Variants in ADCYAP1R1 observed in about 807,000 individuals in gnomAD.
ADCYAP1R1 encodes ADCYAP receptor type I.
A neutral mutation model predicts 67.6 loss-of-function variants in ADCYAP1R1; 44 were observed. That is an observed-to-expected ratio of 0.65 (90% CI 0.51 to 0.84). The LOEUF is 0.84. Among genes scored for constraint, ADCYAP1R1 ranks in the 40% least tolerant of loss-of-function variants. The pLI is 0.00. For missense variants in ADCYAP1R1, 477 were observed against 587.9 expected, an observed-to-expected ratio of 0.81 and a Z score of 1.95; for synonymous variants, 222 against 219.6, an observed-to-expected ratio of 1.01 and a Z score of -0.10.
At chr7:31,105,061 C>T (rs1193634390) in intron 15 of ADCYAP1R1, 152 bp downstream of exon 15, 1 of 817,614 alleles carries the variant, frequency 1.2e-6, no homozygotes, top group East Asian at 2.4e-5. Context: ...TCATACAGCT[C>T]CTGGCATTGT....
chr7:31,098,405 A>G (rs1035850619), intron 13 of ADCYAP1R1, among the ~76,000 whole-genome samples: 4 of 152,134 alleles, frequency 2.6e-5, no homozygotes, highest in African/African-American at 4.8e-5. Flanking sequence ...ATACCTCCTA[A>G]TGGCGCTTCT....
At chr7:31,069,926 C>T (rs1414929936) in intron 3 of ADCYAP1R1, among the ~76,000 whole-genome samples, 1 of 152,170 alleles carries the variant, frequency 6.6e-6, no homozygotes, top group African/African-American at 2.4e-5. Flanking sequence ...GAGACATAGT[C>T]ATTTTGTCCC....
At chr7:31,054,836 C>G (rs771823819) in intron 1 of ADCYAP1R1, among the ~76,000 whole-genome samples, 6 of 152,230 alleles carry the variant, frequency 3.9e-5, no homozygotes, top group Non-Finnish European at 7.3e-5. Flanking sequence ...AATGAGTTTC[C>G]TGTCCTGGGC....
chr7:31,094,049 G>C (rs1354657244), intron 13 of ADCYAP1R1, among the ~76,000 whole-genome samples: 3 of 152,088 alleles, frequency 2.0e-5, no homozygotes, highest in African/African-American at 7.2e-5. Flanking sequence ...AGGGGTGGGG[G>C]ACTAGCACAG....
intron 8 of ADCYAP1R1, 121 bp from the exon 9 acceptor site, chr7:31,085,189 G>A: frequency 3.0e-6 from 4 of 1,350,350 alleles, no homozygotes; most frequent in Non-Finnish European, 4.0e-6. Context: ...GAAGGAGGGT[G>A]GCCTGGGTGG....
At chr7:31,066,916 A>G (rs926179922) in intron 3 of ADCYAP1R1, among the ~76,000 whole-genome samples, 1 of 151,428 alleles carries the variant, frequency 6.6e-6, no homozygotes, top group African/African-American at 2.5e-5. Context: ...TTTGGAACTC[A>G]GTATTGGAGC....
intron 13 of ADCYAP1R1, among the ~76,000 whole-genome samples, chr7:31,096,412 C>A (rs1181407718): frequency 6.6e-6 from 1 of 152,216 alleles, no homozygotes; most frequent in Non-Finnish European, 1.5e-5. Context: ...AAGCCTCCAT[C>A]TTCCACTTCC....
At chr7:31,096,773 C>T (rs755744663) in intron 13 of ADCYAP1R1, among the ~76,000 whole-genome samples, 23 of 152,006 alleles carry the variant, frequency 1.5e-4, no homozygotes, top group South Asian at 1.0e-3. Flanking sequence ...GGCAGGGCTC[C>T]GGGGGTGCAC....
At chr7:31,054,280 C>G (rs1212683929) in intron 1 of ADCYAP1R1, among the ~76,000 whole-genome samples, 1 of 152,028 alleles carries the variant, frequency 6.6e-6, no homozygotes, top group Non-Finnish European at 1.5e-5. Flanking sequence ...GGGACAAGAC[C>G]CCCAAAAGTC....
chr7:31,078,155 G>T (rs1363904670), intron 4 of ADCYAP1R1, 57 bp downstream of exon 4: 5 of 1,452,668 alleles, frequency 3.4e-6, no homozygotes, highest in Non-Finnish European at 4.7e-6. Flanking sequence ...CCCAAATTCG[G>T]CCCCAGGCAA....
At chr7:31,097,914 A>G (rs1459368900) in intron 13 of ADCYAP1R1, among the ~76,000 whole-genome samples, 1 of 152,044 alleles carries the variant, frequency 6.6e-6, no homozygotes, top group East Asian at 1.9e-4. Context: ...ATTATTTTTA[A>G]TTTTTAGACA....
At chr7:31,078,134 C>A in intron 4 of ADCYAP1R1, 36 bp downstream of exon 4, 1 of 1,531,416 alleles carries the variant, frequency 6.5e-7, no homozygotes, top group Non-Finnish European at 8.8e-7. Flanking sequence ...CCACGCTGGC[C>A]TAGCCTGCTC....
Position 31,108,746 on chromosome 7 carries a change from A to ATGTGTGTGTGTGTG in ADCYAP1R1, c.*2084_*2097dup, listed in dbSNP as rs3076597. On this transcript the variant is annotated 3_prime_UTR_variant, in exon 16 of 16. Transcript: ENST00000304166. ...CCTCATATCAGGTTTTGATGAATAT[A>ATGTGTGTGTGTGTG]TGTGTGTGTGTGTGTGTGTGTGTGT... 6.8e-6 allele frequency: 1 copy of ATGTGTGTGTGTGTG among 147,966 alleles called. No individual in the cohort carries two copies. Among genetic ancestry groups the ATGTGTGTGTGTGTG allele is most frequent in the Non-Finnish European group, 1.5e-5 (1 of 66,678 alleles). The allele number at this position is 147,966 out of a possible 1,614,324, so 9.2% of individuals were successfully genotyped here.
chr7:31,103,494 G>A (rs1796515714), intron 14 of ADCYAP1R1, 128 bp downstream of exon 14: 6 of 1,322,560 alleles, frequency 4.5e-6, no homozygotes, highest in Non-Finnish European at 6.2e-6. Flanking sequence ...TGATGAGGGA[G>A]CCCTGTCTGC....
At chr7:31,106,417 A>C in intron 15 of ADCYAP1R1, 79 bp from the exon 16 acceptor site, 1 of 1,482,744 alleles carries the variant, frequency 6.7e-7, no homozygotes, top group Admixed American at 2.3e-5. Context: ...CAGCCTGGGA[A>C]GGGCCCCAGG....
Position 31,109,153 on chromosome 7 carries a change from C to T in ADCYAP1R1, c.*2469C>T, listed in dbSNP as rs1796758520. The T allele has an allele frequency of 6.6e-6, 1 of 152,234 alleles. No individual in the cohort carries two copies. The highest frequency in any genetic ancestry group is 2.1e-4 in the South Asian group (1 of 4,826). The allele number at this position is 152,234 out of a possible 1,614,324, so 9.4% of individuals were successfully genotyped here. On this transcript the variant is annotated 3_prime_UTR_variant, in exon 16 of 16. Coordinates refer to ENST00000304166, the MANE Select transcript of ADCYAP1R1 (RefSeq NM_001118.5). Reference sequence around the variant, plus strand: ...ACTGTGCTGCTTCCTGAGCCTGGCCCTGCATCCTCATAGAGGTGCCGGGTT... The same window carrying T: ...ACTGTGCTGCTTCCTGAGCCTGGCCTTGCATCCTCATAGAGGTGCCGGGTT...
intron 8 of ADCYAP1R1, 77 bp from the exon 9 acceptor site, chr7:31,085,233 C>T: frequency 1.3e-6 from 2 of 1,548,148 alleles, no homozygotes; most frequent in South Asian, 2.5e-5. Flanking sequence ...AGAGTTGGCC[C>T]ACCACAGATG....
At chr7:31,057,695 G>T (rs1562624163) in intron 1 of ADCYAP1R1, among the ~76,000 whole-genome samples, 1 of 152,226 alleles carries the variant, frequency 6.6e-6, no homozygotes, top group Non-Finnish European at 1.5e-5. Context: ...AGCAGCTTCT[G>T]TCCCTCCCTT....
chr7:31,075,918 A>G (rs575351081), intron 3 of ADCYAP1R1, among the ~76,000 whole-genome samples: 19 of 152,300 alleles, frequency 1.2e-4, no homozygotes, highest in African/African-American at 2.9e-4. Flanking sequence ...GGGCTTGATC[A>G]GGAGCACTAA....
Sources: gnomAD v4.1 joint callset for allele counts (sites outside exome capture counted in the v4.1 genomes callset) on GRCh38, gnomAD v4.1.1 for gene constraint, MANE v1.5 for transcripts, NCBI Gene and HGNC (gene_info 2026-07-23, HGNC 2026-07-21) for gene names.